The following TRPC6 variants were observed in gnomAD, a reference collection of about 807,000 sequenced individuals.
The protein encoded by TRPC6 is transient receptor potential cation channel subfamily C member 6.
A neutral mutation model predicts 90.7 loss-of-function variants in TRPC6; 55 were observed. That is an observed-to-expected ratio of 0.61 (90% confidence interval 0.49 to 0.76). TRPC6 has a LOEUF of 0.76. TRPC6 is among the 30% of genes least tolerant of loss of function. The pLI is 0.00. For missense variants in TRPC6, 989 were observed against 1,122.7 expected, an observed-to-expected ratio of 0.88 and a Z score of 1.70; for synonymous variants, 393 against 393.0, an observed-to-expected ratio of 1.00 and a Z score of 0.00.
At chr11:101,495,431 T>C (rs760762219) in intron 2 of TRPC6, among the ~76,000 whole-genome samples, 7 of 152,052 alleles carry the variant, frequency 4.6e-5, no homozygotes, top group Non-Finnish European at 7.4e-5. Context: ...TGAAACTTAC[T>C]AGCTATGTGA....
chr11:101,560,517 T>C (rs995752197), intron 1 of TRPC6, among the ~76,000 whole-genome samples: 6 of 152,192 alleles, frequency 3.9e-5, no homozygotes, highest in Admixed American at 1.3e-4. Flanking sequence ...CTTCCATGCA[T>C]TGAACATTTT....
intron 1 of TRPC6, among the ~76,000 whole-genome samples, chr11:101,561,778 T>C (rs1439049306): frequency 6.6e-6 from 1 of 151,530 alleles, no homozygotes; most frequent in East Asian, 1.9e-4. Flanking sequence ...GCAAGCATAG[T>C]ATGACCCCAT....
rs1000246005 is a variant in TRPC6 at position 101,583,316 on chromosome 11, C to T, written c.170+18G>A. On this transcript the variant is annotated intron_variant, in intron 1 of 12. Transcript: ENST00000344327. Reference sequence around the variant, plus strand: ...CGCGCAGCCCGCGCCCGATCCGCCCCGCGTCGCCGGCACTCACAAGCAGGG... The same window carrying T: ...CGCGCAGCCCGCGCCCGATCCGCCCTGCGTCGCCGGCACTCACAAGCAGGG... The T allele has an allele frequency of 6.4e-7, 1 of 1,566,812 alleles. No individual in the cohort carries two copies. The highest frequency in any genetic ancestry group is 8.6e-7 in the Non-Finnish European group (1 of 1,157,278).
At chr11:101,497,320 C>T (rs1470780638) in intron 2 of TRPC6, among the ~76,000 whole-genome samples, 3 of 152,216 alleles carry the variant, frequency 2.0e-5, no homozygotes, top group Admixed American at 6.5e-5. Flanking sequence ...GATTCTGCCT[C>T]GCAGACTATT....
At chr11:101,507,450 T>C (rs61916028) in intron 1 of TRPC6, among the ~76,000 whole-genome samples, 6,466 of 152,110 alleles carry the variant, frequency 0.043, 181 homozygotes, top group African/African-American at 0.077. Flanking sequence ...TTTGCTTTTG[T>C]ATTGGGGTCC....
intron 2 of TRPC6, among the ~76,000 whole-genome samples, chr11:101,503,417 T>C (rs1860177407): frequency 6.6e-6 from 1 of 152,200 alleles, no homozygotes; most frequent in East Asian, 1.9e-4. Flanking sequence ...TGAAATGCCA[T>C]CTTACACATA....
intron 1 of TRPC6, among the ~76,000 whole-genome samples, chr11:101,552,739 C>A (rs1054110159): frequency 2.2e-4 from 34 of 152,012 alleles, no homozygotes; most frequent in African/African-American, 7.2e-4. Context: ...TCTATAATTC[C>A]TACATTATTA....
chr11:101,482,951 A>G lies in TRPC6; in HGVS notation c.1508T>C (p.Ile503Thr). Residue 503 changes from isoleucine (I) to threonine (T), a missense_variant and splice_region_variant, in exon 5 of 13, where the codon ATA becomes ACA. By Grantham distance (89) the Ile-to-Thr change is moderately conservative. Transcript: ENST00000344327. Reference sequence around the variant, plus strand: ...CATGACAGAAAATCAGTCTTTACCTATTACCCAGGATATAATGAGCATCTC... The same window carrying G: ...CATGACAGAAAATCAGTCTTTACCTGTTACCCAGGATATAATGAGCATCTC... The part of the protein sequence containing the change: ...WMEMLIISWV[I>T]GMIWAECKEI... 1.2e-6 allele frequency: 2 copies of G among 1,613,894 alleles called. No individual in the cohort carries two copies. The highest frequency in any genetic ancestry group is 4.5e-5 in the East Asian group (2 of 44,880).
rs73571972 is a variant in TRPC6 at position 101,510,455 on chromosome 11, C to T, written c.171-5657G>A. Among the ~76,000 whole-genome samples the T allele has an allele frequency of 7.6e-3, 1,155 of 152,256 alleles. 20 individuals carry two copies. Among genetic ancestry groups the T allele is most frequent in the African/African-American group, 0.026 (1,089 of 41,512 alleles). On this transcript the variant is annotated intron_variant, in intron 1 of 12. Transcript: ENST00000344327. The stretch of plus-strand genomic sequence containing the variant: ...ATTTTCATTTCAGCTAAAGGGCACA[C>T]TTTTCAAATTCGGCTCTTCTATTTA...
At position 101,534,910 on chromosome 11, in the gene TRPC6, C is replaced by A. The variant is rs551650353; in HGVS notation, c.171-30112G>T. Among the ~76,000 whole-genome samples the A allele has an allele frequency of 4.9e-4, 74 of 152,164 alleles. 1 individual carries two copies. The highest frequency in any genetic ancestry group is 9.6e-4 in the Non-Finnish European group (65 of 68,034). ...GGGCGTAGTAGCTTATGCCTGTAAT[C>A]CCAGAACTTTGGGAGGCCCAGTGAG... On this transcript the variant is annotated intron_variant, in intron 1 of 12. Coordinates refer to ENST00000344327, the MANE Select transcript of TRPC6 (RefSeq NM_004621.6).
intron 1 of TRPC6, among the ~76,000 whole-genome samples, chr11:101,516,824 C>A (rs1292638295): frequency 1.3e-5 from 2 of 152,228 alleles, no homozygotes; most frequent in Non-Finnish European, 2.9e-5. Flanking sequence ...GGCCATGCAT[C>A]TGCTGCTGTC....
chr11:101,562,727 A>G (rs1861742935), intron 1 of TRPC6, among the ~76,000 whole-genome samples: 1 of 152,170 alleles, frequency 6.6e-6, no homozygotes, highest in Non-Finnish European at 1.5e-5. Flanking sequence ...TATAAAAAAT[A>G]CCTTGTCCAA....
chr11:101,460,389 C>T (rs1006851379), intron 10 of TRPC6, among the ~76,000 whole-genome samples: 10 of 152,036 alleles, frequency 6.6e-5, no homozygotes, highest in South Asian at 2.1e-4. Context: ...TTACAATGCT[C>T]GATATAATTT....
chr11:101,492,235 T>G (rs982707106), intron 2 of TRPC6, among the ~76,000 whole-genome samples: 1 of 152,272 alleles, frequency 6.6e-6, no homozygotes, highest in African/African-American at 2.4e-5. Flanking sequence ...CATGAAGATT[T>G]TCTTCATACC....
intron 5 of TRPC6, among the ~76,000 whole-genome samples, chr11:101,476,887 G>C (rs546780974): frequency 2.6e-5 from 4 of 152,098 alleles, no homozygotes; most frequent in Admixed American, 1.3e-4. Flanking sequence ...ATGGAAGTGG[G>C]ACTTCCGCAG....
At position 101,470,809 on chromosome 11, in the gene TRPC6, C is replaced by A. The variant is rs1347745336; in HGVS notation, c.2409+374G>T. ...CTAAGAGTTAATCAAGTTGCCCCGC[C>A]CCCCCCCCCTCCCCGAGTCATAACA... is the stretch of plus-strand genomic sequence containing the variant. On this transcript the variant is annotated intron_variant, in intron 9 of 12. Coordinates refer to ENST00000344327, the MANE Select transcript of TRPC6 (RefSeq NM_004621.6). Among the ~76,000 whole-genome samples, 5 of 43,300 alleles carry A rather than the reference C, an allele frequency of 1.2e-4. 1 individual carries two copies. Among genetic ancestry groups the A allele is most frequent in the Admixed American group, 5.7e-4 (2 of 3,512 alleles). 28.4% of individuals were successfully genotyped at this position (43,300 alleles called of 152,430 possible). A position where few individuals can be genotyped will look rare whatever the true frequency, so the allele number is the denominator to read the frequency against.
At chr11:101,580,307 T>A (rs1862166816) in intron 1 of TRPC6, among the ~76,000 whole-genome samples, 1 of 152,164 alleles carries the variant, frequency 6.6e-6, no homozygotes, top group Non-Finnish European at 1.5e-5. Flanking sequence ...AAATCTGAAA[T>A]GCCTCCTGGG....
Position 101,500,033 on chromosome 11 carries a change from G to GTATA in TRPC6, c.945+3987_945+3990dup, listed in dbSNP as rs71056616. On this transcript the variant is annotated intron_variant, in intron 2 of 12. Coordinates refer to ENST00000344327, the MANE Select transcript of TRPC6 (RefSeq NM_004621.6). ...TATATATATACGCAATATAAAATGT[G>GTATA]TATATATATACAATATAAAATATGT... Among the ~76,000 whole-genome samples, 8 of 40,554 alleles carry GTATA rather than the reference G, an allele frequency of 2.0e-4. 2 individuals carry two copies. Among genetic ancestry groups the GTATA allele is most frequent in the African/African-American group, 4.3e-4 (3 of 6,998 alleles). The allele number at this position is 40,554 out of a possible 152,430, so 26.6% of individuals were successfully genotyped here.
chr11:101,493,707 G>T (rs1192890543), intron 2 of TRPC6, among the ~76,000 whole-genome samples: 6 of 152,170 alleles, frequency 3.9e-5, no homozygotes, highest in Non-Finnish European at 7.3e-5. Flanking sequence ...CAGAACTGCA[G>T]ATTTAAAGTT....
Sources: gnomAD v4.1 joint callset for allele counts (sites outside exome capture counted in the v4.1 genomes callset) on GRCh38, gnomAD v4.1.1 for gene constraint, MANE v1.5 for transcripts, NCBI Gene and HGNC (gene_info 2026-07-23, HGNC 2026-07-21) for gene names.